NEMF: variants seen among roughly 807,000 people sequenced by gnomAD.
The protein encoded by NEMF is ribosome quality control complex subunit NEMF.
A neutral mutation model predicts 162.2 loss-of-function variants in NEMF; 89 were observed. That is an observed-to-expected ratio of 0.55 (90% CI 0.46 to 0.65). NEMF has a LOEUF of 0.65. Ranked by LOEUF, NEMF falls within the 30% of genes least tolerant of loss-of-function variation. NEMF has a pLI of 0.00. For synonymous variants in NEMF, 421 were observed against 404.5 expected (o/e 1.04, Z -0.49); for missense variants, 1,133 against 1,261.9 (o/e 0.90, Z 1.55).
chr14:49,842,961 A>C (rs1893288714), intron 4 of NEMF, among the ~76,000 whole-genome samples: 2 of 151,908 alleles, frequency 1.3e-5, no homozygotes, highest in Admixed American at 1.3e-4. Context: ...AGCCAAGATC[A>C]CACCACTGCA....
chr14:49,799,700 A>T (rs1890869125), intron 23 of NEMF, 22 bp from the exon 24 acceptor site: 1 of 1,594,680 alleles, frequency 6.3e-7, no homozygotes, highest in Non-Finnish European at 8.6e-7. Context: ...AACACAAGGG[A>T]GTCTCTACTA....
Position 49,782,617 on chromosome 14 carries a change from CTTAGA to C in NEMF, c.*2014_*2018del, listed in dbSNP as rs764076810. 8.3e-6 allele frequency: 13 copies of C among 1,565,798 alleles called. No homozygotes were observed. The highest frequency in any genetic ancestry group is 1.4e-5 in the African/African-American group (1 of 73,038). ...ACGGTAAGTAACTTTGTACTTGGCA[CTTAGA>C]TTATTTAAAATTGTGTTTCCTAAGA... On this transcript the variant is annotated 3_prime_UTR_variant, in exon 33 of 33. Transcript: ENST00000298310.
At chr14:49,840,073 T>C (rs1415880659) in intron 5 of NEMF, among the ~76,000 whole-genome samples, 2 of 152,056 alleles carry the variant, frequency 1.3e-5, no homozygotes, top group African/African-American at 2.4e-5. Flanking sequence ...GGCAGGAGGA[T>C]TGCTTGAGCC....
Position 49,785,127 on chromosome 14 carries a change from A to T in NEMF, c.3038T>A (p.Val1013Glu). The change falls in exon 31 of 33, where the codon GTG becomes GAG. Residue 1013 changes from valine to glutamate, a missense_variant. By Grantham distance (121) the Val-to-Glu change is moderately radical. Coordinates refer to ENST00000298310, the MANE Select transcript of NEMF (RefSeq NM_004713.6). Reference sequence around the variant, plus strand: ...TTTCTGCACTCCAGGAGTAAGTTTCACTTTATATCTTTAAAAAGGAATTAC... The same window carrying T: ...TTTCTGCACTCCAGGAGTAAGTTTCTCTTTATATCTTTAAAAAGGAATTAC... ...YTTMTNYKYKVKLTPGVQKKG... is the reference protein window; with the variant it reads ...YTTMTNYKYKEKLTPGVQKKG... The T allele has an allele frequency of 6.2e-7, 1 of 1,606,120 alleles. No homozygotes were observed. The highest frequency in any genetic ancestry group is 8.5e-7 in the Non-Finnish European group (1 of 1,172,884).
chr14:49,800,632 G>A lies in NEMF; in HGVS notation c.2160C>T (p.Leu720=), dbSNP rs1376377012. Residue 720 remains leucine, a synonymous_variant, in exon 23 of 33, where the codon CTC becomes CTT. Coordinates refer to ENST00000298310, the MANE Select transcript of NEMF (RefSeq NM_004713.6). ...EEHETPVEVE[L]MTQVDQEDIT... is the part of the protein sequence containing the mutation. The stretch of plus-strand genomic sequence containing the variant: ...TATCCTCTTGGTCAACCTGAGTCAT[G>A]AGTTCTACTTCCACAGGAGTTTCAT... The A allele has an allele frequency of 3.7e-6, 6 of 1,613,684 alleles. No individual in the cohort carries two copies. In the African/African-American group the frequency reaches 8.0e-5, roughly 22 times the overall value.
chr14:49,809,060 A>ACTCC (rs1259839769), intron 18 of NEMF, among the ~76,000 whole-genome samples: 1 of 152,182 alleles, frequency 6.6e-6, no homozygotes, highest in African/African-American at 2.4e-5. Context: ...AACAACAGGA[A>ACTCC]CTCCCATTGC....
chr14:49,799,724 A>G, intron 23 of NEMF, 46 bp from the exon 24 acceptor site: 3 of 1,482,632 alleles, frequency 2.0e-6, no homozygotes, highest in Non-Finnish European at 2.8e-6. Context: ...TGTAAAAGAC[A>G]TGCATTTACA....
chr14:49,812,932 C>T (rs1264873328), intron 18 of NEMF, among the ~76,000 whole-genome samples: 4 of 152,082 alleles, frequency 2.6e-5, no homozygotes, highest in Admixed American at 1.3e-4. Context: ...TGTGCCACCA[C>T]ACCCAGCTAA....
At chr14:49,788,594 G>A (rs1265895660) in intron 28 of NEMF, among the ~76,000 whole-genome samples, 4 of 127,526 alleles carry the variant, frequency 3.1e-5, no homozygotes, top group African/African-American at 9.0e-5. Flanking sequence ...GTCTCGCTCT[G>A]TCGCCCAGGC....
chr14:49,825,491 G>C (rs1257622658), intron 16 of NEMF, among the ~76,000 whole-genome samples: 2 of 152,152 alleles, frequency 1.3e-5, no homozygotes, highest in Non-Finnish European at 2.9e-5. Flanking sequence ...CTGTAATCCA[G>C]CACTGAGGCT....
chr14:49,795,907 C>T lies in NEMF; in HGVS notation c.2503G>A (p.Asp835Asn). The change falls in exon 26 of 33, where the codon GAT (aspartate) becomes AAT (asparagine). Residue 835 changes from aspartate (D) to asparagine (N), a missense_variant. Coordinates refer to ENST00000298310, the MANE Select transcript of NEMF (RefSeq NM_004713.6). ...TCCTTTCCCTCTAACGCTTCTAAAT[C>T]TCCTGAGTCACTTGGAAGTTTTTTC... ...KKKKLPSDSG[D>N]LEALEGKDKE... is the part of the protein sequence containing the mutation. The T allele has an allele frequency of 6.2e-7, 1 of 1,608,234 alleles. No homozygotes were observed. Among genetic ancestry groups the T allele is most frequent in the Non-Finnish European group, 8.5e-7 (1 of 1,178,264 alleles).
At chr14:49,846,451 A>T (rs1400498247) in intron 3 of NEMF, among the ~76,000 whole-genome samples, 186 bp from the exon 4 acceptor site, 1 of 152,222 alleles carries the variant, frequency 6.6e-6, no homozygotes, top group Non-Finnish European at 1.5e-5. Context: ...TATAAACACT[A>T]ACTCTGAAAC....
At chr14:49,786,464 T>G (rs1890184703) in intron 29 of NEMF, 3 of 492,388 alleles carry the variant, frequency 6.1e-6, no homozygotes, top group Non-Finnish European at 1.1e-5. Flanking sequence ...TTACATACAT[T>G]AGTTATCAAA....
chr14:49,794,543 A>G (rs902571930), intron 26 of NEMF, among the ~76,000 whole-genome samples: 1 of 151,528 alleles, frequency 6.6e-6, no homozygotes, highest in African/African-American at 2.4e-5. Context: ...AGGAGTTCAA[A>G]GCTGTAGTAT....
At chr14:49,838,659 G>A (rs1029002639) in intron 5 of NEMF, among the ~76,000 whole-genome samples, 10 of 147,132 alleles carry the variant, frequency 6.8e-5, no homozygotes, top group South Asian at 4.3e-4. Flanking sequence ...ATCTCGGCTC[G>A]CTACAAGCTC....
chr14:49,818,084 C>CT lies in NEMF; in HGVS notation c.1578-3228dup, dbSNP rs983729819. On this transcript the variant is annotated intron_variant, in intron 16 of 32. Transcript: ENST00000298310. ...GAAAACAAATGGACAAGTGATGAGA[C>CT]TTTTTTTTTTTTTTTTTTTCCGAGA... 2.9e-3 allele frequency among the ~76,000 whole-genome samples: 385 copies of CT among 132,316 alleles called. 2 individuals are homozygous for CT. Among genetic ancestry groups the CT allele is most frequent in the South Asian group, 0.019 (79 of 4,196 alleles). The allele number at this position is 132,316 out of a possible 152,430, so 86.8% of individuals were successfully genotyped here.
chr14:49,828,702 C>T lies in NEMF; in HGVS notation c.1338G>A (p.Lys446=), dbSNP rs1555350264. The T allele has an allele frequency of 1.9e-6, 3 of 1,606,832 alleles. No individual in the cohort carries two copies. The highest frequency in any genetic ancestry group is 2.5e-6 in the Non-Finnish European group (3 of 1,178,066). ...EPPKGKKKKQ[K]NKQLQKPQKN... ...TCTGAGGCTTCTGCAGCTGTTTATT[C>T]TTTTGTTTTTTCTTTTTTCCTTTTG... The change falls in exon 14 of 33, where the codon AAG becomes AAA. Residue 446 remains lysine (K), a synonymous_variant. Transcript: ENST00000298310.
chr14:49,833,978 CCA>C, intron 7 of NEMF: 1 of 298,258 alleles, frequency 3.4e-6, no homozygotes, highest in Non-Finnish European at 6.7e-6. Flanking sequence ...AAACAAAACA[CCA>C]CCACCAGCAC....
chr14:49,800,408 T>C lies in NEMF; in HGVS notation c.2372+12A>G, dbSNP rs1394315222. On this transcript the variant is annotated intron_variant, in intron 23 of 32. Coordinates refer to ENST00000298310, the MANE Select transcript of NEMF (RefSeq NM_004713.6). ...TTACACAATAATATGTAAAATTTTA[T>C]TTTTTAATTACCTTTGGGGTTGAAG... 6.4e-7 allele frequency: 1 copy of C among 1,568,104 alleles called. No homozygotes were observed. The highest frequency in any genetic ancestry group is 1.4e-5 in the African/African-American group (1 of 72,664).
Sources: allele counts gnomAD v4.1 joint callset (sites outside exome capture counted in the v4.1 genomes callset), GRCh38; gene constraint gnomAD v4.1.1; transcripts MANE v1.5; gene names NCBI Gene and HGNC (gene_info 2026-07-23, HGNC 2026-07-21).